Variants in SLC10A7 observed in about 807,000 individuals in gnomAD.
SLC10A7 encodes sodium/bile acid cotransporter 7.
A neutral mutation model predicts 43.2 loss-of-function variants in SLC10A7; 29 were observed. The observed-to-expected ratio is 0.67, with a 90% CI of 0.50 to 0.92. The LOEUF is 0.92. Ranked by LOEUF, SLC10A7 falls within the 40% of genes least tolerant of loss-of-function variation. The pLI is 0.00. For synonymous variants in SLC10A7, 152 were observed against 144.8 expected, an observed-to-expected ratio of 1.05 and a Z score of -0.35; for missense variants, 295 against 403.2, an observed-to-expected ratio of 0.73 and a Z score of 2.30.
chr4:146,356,251 G>T (rs897150344), intron 5 of SLC10A7, among the ~76,000 whole-genome samples: 2 of 151,822 alleles, frequency 1.3e-5, no homozygotes, highest in Non-Finnish European at 2.9e-5. Flanking sequence ...CATTTATTAC[G>T]CACATGAAAT....
intron 5 of SLC10A7, among the ~76,000 whole-genome samples, chr4:146,436,562 TTGATGGCG>T (rs1026923928): frequency 3.3e-5 from 5 of 152,072 alleles, no homozygotes; most frequent in African/African-American, 9.7e-5. Context: ...ATTCACTTCT[TTGATGGCG>T]TGATTGAGAA....
At chr4:146,403,923 T>C (rs187124134) in intron 5 of SLC10A7, among the ~76,000 whole-genome samples, 4 of 152,324 alleles carry the variant, frequency 2.6e-5, no homozygotes, top group Admixed American at 2.0e-4. Flanking sequence ...CTTTGATAGA[T>C]GTTACTATTA....
intron 9 of SLC10A7, among the ~76,000 whole-genome samples, chr4:146,284,417 T>C (rs188018999): frequency 4.0e-4 from 61 of 152,294 alleles, no homozygotes; most frequent in Admixed American, 1.6e-3. Context: ...TTTCTTGTTG[T>C]ATACCCACAG....
intron 10 of SLC10A7, among the ~76,000 whole-genome samples, chr4:146,271,263 T>C (rs1266302530): frequency 6.6e-6 from 1 of 152,140 alleles, no homozygotes; most frequent in Non-Finnish European, 1.5e-5. Context: ...TCTTGATCTG[T>C]TCCCACATGA....
At chr4:146,515,105 G>T (rs1376286046) in intron 2 of SLC10A7, 4 of 701,952 alleles carry the variant, frequency 5.7e-6, no homozygotes, top group African/African-American at 1.7e-5. Flanking sequence ...TTCAACTCCT[G>T]CATCCCACAA....
intron 5 of SLC10A7, among the ~76,000 whole-genome samples, chr4:146,389,098 T>C (rs1738227374): frequency 6.6e-6 from 1 of 152,122 alleles, no homozygotes; most frequent in African/African-American, 2.4e-5. Context: ...CTACGTGTTC[T>C]TACTCACAAG....
chr4:146,340,504 T>C (rs1734187634), intron 5 of SLC10A7, among the ~76,000 whole-genome samples: 1 of 150,464 alleles, frequency 6.6e-6, no homozygotes, highest in South Asian at 2.1e-4. Flanking sequence ...CACATATACA[T>C]ATATATGTGT....
In SLC10A7 at chr4:146,337,848, A is replaced by G. The variant is rs1733996269; in HGVS notation, c.436-11852T>C. Among the ~76,000 whole-genome samples, 5 of 151,934 alleles carry G rather than the reference A, an allele frequency of 3.3e-5. 1 individual carries two copies. In the South Asian group the frequency reaches 1.0e-3, roughly 31 times the overall value. On this transcript the variant is annotated intron_variant, in intron 5 of 11. Transcript: ENST00000335472. Reference sequence around the variant, plus strand: ...AAGGAGGAAGCAGAAAATTTAAAAGAAAAAGATATTTAAGAAACAGATTGT... The same window carrying G: ...AAGGAGGAAGCAGAAAATTTAAAAGGAAAAGATATTTAAGAAACAGATTGT...
intron 5 of SLC10A7, among the ~76,000 whole-genome samples, chr4:146,360,406 A>C (rs1423655809): frequency 6.6e-6 from 1 of 151,974 alleles, no homozygotes; most frequent in African/African-American, 2.4e-5. Flanking sequence ...ATACCCTGAG[A>C]AGAAGGCACT....
chr4:146,368,655 A>C (rs1436915429), intron 5 of SLC10A7, among the ~76,000 whole-genome samples: 1 of 152,158 alleles, frequency 6.6e-6, no homozygotes, highest in Non-Finnish European at 1.5e-5. Flanking sequence ...TCCTTCCTGA[A>C]CAAACCCACT....
At chr4:146,365,042 T>C (rs368874802) in intron 5 of SLC10A7, among the ~76,000 whole-genome samples, 1 of 152,252 alleles carries the variant, frequency 6.6e-6, no homozygotes, top group Non-Finnish European at 1.5e-5. Context: ...CTGCCAATCC[T>C]GAACAGCAAT....
chr4:146,471,819 G>A (rs1346237263), intron 4 of SLC10A7, among the ~76,000 whole-genome samples: 2 of 152,158 alleles, frequency 1.3e-5, no homozygotes, highest in Non-Finnish European at 2.9e-5. Context: ...GCCTGCATTT[G>A]AACAGGTCTA....
intron 10 of SLC10A7, among the ~76,000 whole-genome samples, chr4:146,273,997 A>T (rs1578757346): frequency 6.6e-6 from 1 of 152,264 alleles, no homozygotes; most frequent in Non-Finnish European, 1.5e-5. Flanking sequence ...TAAGAGTTTT[A>T]AAAAAATCAC....
intron 10 of SLC10A7, among the ~76,000 whole-genome samples, chr4:146,272,105 C>A (rs1359383727): frequency 6.6e-6 from 1 of 152,130 alleles, no homozygotes; most frequent in Non-Finnish European, 1.5e-5. Flanking sequence ...CCCCCTACAG[C>A]CTAGAGCAGG....
At chr4:146,375,554 T>C (rs1737132346) in intron 5 of SLC10A7, among the ~76,000 whole-genome samples, 1 of 152,216 alleles carries the variant, frequency 6.6e-6, no homozygotes, top group Non-Finnish European at 1.5e-5. Context: ...AGCATTAACC[T>C]AACTCTTCTT....
intron 4 of SLC10A7, among the ~76,000 whole-genome samples, chr4:146,457,135 T>C (rs1219619349): frequency 6.6e-6 from 1 of 151,988 alleles, no homozygotes; most frequent in Non-Finnish European, 1.5e-5. Context: ...ACTTTATCTA[T>C]GGATACTAAA....
intron 1 of SLC10A7, among the ~76,000 whole-genome samples, chr4:146,519,714 A>T (rs1489843435): frequency 6.6e-6 from 1 of 152,146 alleles, no homozygotes; most frequent in East Asian, 1.9e-4. Flanking sequence ...TTTCCCAGGA[A>T]TTTTAAATAC....
intron 5 of SLC10A7, 191 bp downstream of exon 5, chr4:146,442,592 T>C (rs915833947): frequency 1.4e-6 from 2 of 1,429,212 alleles, no homozygotes; most frequent in African/African-American, 1.5e-5. Flanking sequence ...ACCTCCAAAA[T>C]ATATTGTAAG....
At chr4:146,451,994 A>AT (rs1731644222) in intron 4 of SLC10A7, among the ~76,000 whole-genome samples, 1 of 152,098 alleles carries the variant, frequency 6.6e-6, no homozygotes, top group Non-Finnish European at 1.5e-5. Flanking sequence ...GCATCTTGGT[A>AT]TATGAGAAAA....
Sources: gnomAD v4.1 joint callset for allele counts (sites outside exome capture counted in the v4.1 genomes callset) on GRCh38, gnomAD v4.1.1 for gene constraint, MANE v1.5 for transcripts, NCBI Gene and HGNC (gene_info 2026-07-23, HGNC 2026-07-21) for gene names.